The following UBE3C variants were observed in gnomAD, a reference collection of about 807,000 sequenced individuals.
UBE3C encodes the protein ubiquitin protein ligase E3C.
Under a neutral mutation model 129.4 loss-of-function variants are expected in UBE3C, and 42 were observed. The ratio of observed to expected loss-of-function variants is 0.32; its 90% CI spans 0.25 to 0.42. The LOEUF (loss-of-function observed/expected upper bound fraction) is 0.42, where lower values mean the gene tolerates loss of function less well. UBE3C is among the 10% of genes least tolerant of loss of function. The probability of loss-of-function intolerance (pLI) is 1.00; values close to 1 mark genes in which losing one functional copy is unlikely to be tolerated. For missense variants in UBE3C, 1,049 were observed against 1,319.1 expected, an observed-to-expected ratio of 0.80 and a Z score of 3.17; for synonymous variants, 510 against 492.4, an observed-to-expected ratio of 1.04 and a Z score of -0.47.
At chr7:157,185,232 C>T (rs963932389) in intron 9 of UBE3C, among the ~76,000 whole-genome samples, 7 of 152,212 alleles carry the variant, frequency 4.6e-5, no homozygotes, top group African/African-American at 1.2e-4. Flanking sequence ...TGTGCAAACA[C>T]GATGAAAGCA....
At chr7:157,249,552 A>T (rs1796569765) in intron 19 of UBE3C, among the ~76,000 whole-genome samples, 1 of 152,168 alleles carries the variant, frequency 6.6e-6, no homozygotes, top group South Asian at 2.1e-4. Context: ...ACCTCAGGTG[A>T]TCTGCCTGCC....
At chr7:157,170,137 T>A (rs1203735490) in intron 3 of UBE3C, among the ~76,000 whole-genome samples, 167 bp from the exon 4 acceptor site, 2 of 150,978 alleles carry the variant, frequency 1.3e-5, no homozygotes, top group African/African-American at 4.9e-5. Context: ...TTTTTTTTCT[T>A]TTTAACCATT....
intron 1 of UBE3C, among the ~76,000 whole-genome samples, chr7:157,143,024 C>A (rs1366310978): frequency 6.6e-6 from 1 of 151,986 alleles, no homozygotes; most frequent in South Asian, 2.1e-4. Flanking sequence ...TGCACCACCA[C>A]GTCTGGCTAA....
intron 22 of UBE3C, among the ~76,000 whole-genome samples, chr7:157,263,415 G>A (rs1195805879): frequency 1.3e-5 from 2 of 152,202 alleles, no homozygotes; most frequent in Admixed American, 6.5e-5. Flanking sequence ...GGTGGCTCAC[G>A]CACTTTGGGA....
chr7:157,227,425 G>T (rs1456358903), intron 17 of UBE3C, among the ~76,000 whole-genome samples: 2 of 152,076 alleles, frequency 1.3e-5, no homozygotes, highest in African/African-American at 2.4e-5. Context: ...TGGGCGTGGC[G>T]CAGTGGCTCA....
At chr7:157,174,161 G>A (rs754441244) in intron 4 of UBE3C, among the ~76,000 whole-genome samples, 5 of 152,108 alleles carry the variant, frequency 3.3e-5, no homozygotes, top group Non-Finnish European at 2.9e-5. Context: ...CCAGGAGTTC[G>A]AGACCAGCCT....
At chr7:157,248,854 G>A (rs1039897155) in intron 19 of UBE3C, among the ~76,000 whole-genome samples, 11 of 152,158 alleles carry the variant, frequency 7.2e-5, no homozygotes, top group Non-Finnish European at 1.6e-4. Context: ...CAGGCTTGCT[G>A]CTTGTCTGGC....
intron 13 of UBE3C, among the ~76,000 whole-genome samples, chr7:157,210,814 A>G (rs916603116): frequency 1.3e-5 from 2 of 152,180 alleles, no homozygotes; most frequent in Admixed American, 6.5e-5. Flanking sequence ...TTTCAGTCCT[A>G]TCATGGTCCT....
At chr7:157,164,340 A>G (rs1040503015) in intron 2 of UBE3C, 30 of 456,346 alleles carry the variant, frequency 6.6e-5, no homozygotes, top group Middle Eastern at 3.3e-4. Flanking sequence ...AGATTTTTAC[A>G]TAGATAGGGT....
At chr7:157,165,766 A>G (rs1380874327) in intron 2 of UBE3C, among the ~76,000 whole-genome samples, 1 of 152,058 alleles carries the variant, frequency 6.6e-6, no homozygotes, top group African/African-American at 2.4e-5. Flanking sequence ...ATTTTCTTTC[A>G]TTCTTTTATA....
intron 1 of UBE3C, among the ~76,000 whole-genome samples, chr7:157,154,176 C>T (rs972601177): frequency 4.6e-5 from 7 of 151,922 alleles, no homozygotes; most frequent in African/African-American, 1.7e-4. Flanking sequence ...CAAAAATTAG[C>T]CAGGTGTGGT....
intron 8 of UBE3C, among the ~76,000 whole-genome samples, chr7:157,183,420 C>A (rs1409897023): frequency 6.6e-6 from 1 of 152,086 alleles, no homozygotes; most frequent in African/African-American, 2.4e-5. Flanking sequence ...CCAGGCACTC[C>A]ACACTCTCGG....
At chr7:157,211,707 C>A (rs1248663896) in intron 13 of UBE3C, among the ~76,000 whole-genome samples, 1 of 152,074 alleles carries the variant, frequency 6.6e-6, no homozygotes, top group Admixed American at 6.6e-5. Flanking sequence ...CCAGATACTT[C>A]ATGACTTTCA....
intron 18 of UBE3C, among the ~76,000 whole-genome samples, chr7:157,247,881 T>C (rs920092540): frequency 6.6e-6 from 1 of 152,144 alleles, no homozygotes; most frequent in Non-Finnish European, 1.5e-5. Flanking sequence ...TACCCCATCC[T>C]GTGGGCACGG....
At chr7:157,172,027 CT>C (rs34998574) in intron 4 of UBE3C, among the ~76,000 whole-genome samples, 90 of 141,890 alleles carry the variant, frequency 6.3e-4, no homozygotes, top group Non-Finnish European at 7.1e-4. Flanking sequence ...TGCTATTTAT[CT>C]TTTTTTTTTT....
intron 18 of UBE3C, among the ~76,000 whole-genome samples, chr7:157,242,796 C>T (rs1308893845): frequency 6.6e-6 from 1 of 152,046 alleles, no homozygotes; most frequent in African/African-American, 2.4e-5. Context: ...GTGGCTCAAG[C>T]CTGTAATCCC....
Position 157,223,280 on chromosome 7 carries a change from G to T in UBE3C, c.2029G>T (p.Val677Leu). 1 of 1,614,172 alleles carries T rather than the reference G, an allele frequency of 6.2e-7. No homozygotes were observed. Among genetic ancestry groups the T allele is most frequent in the East Asian group, 2.2e-5 (1 of 44,882 alleles). ...DVGLESPPLSVSEERQLAVLT... is the reference protein window; with the variant it reads ...DVGLESPPLSLSEERQLAVLT... The stretch of plus-strand genomic sequence containing the variant: ...GGGTTTGGAGTCCCCGCCGCTGTCT[G>T]TGTCTGAGGAAAGACAGCTTGCTGT... Residue 677 changes from valine to leucine, a missense_variant, in exon 16 of 23, where the codon GTG (valine) becomes TTG (leucine). Physicochemically the swap from Val to Leu is conservative, Grantham distance 32. This residue lies in a region of UBE3C where 314 missense variants were observed against 416.9 expected (regional missense o/e 0.75). Transcript: ENST00000348165.
Position 157,139,342 on chromosome 7 carries a change from A to T in UBE3C, c.66+4A>T. On this transcript the variant is annotated splice_donor_region_variant and intron_variant, in intron 1 of 22. Coordinates refer to ENST00000348165, the MANE Select transcript of UBE3C (RefSeq NM_014671.3). ...CCTTGGCGGCGCGAGCAGGAAGGTG[A>T]GGGCCGGGCTGGCGGGGCGCCCTCG... 1 of 1,574,806 alleles carries T rather than the reference A, an allele frequency of 6.3e-7. No homozygotes were observed. The highest frequency in any genetic ancestry group is 8.6e-7 in the Non-Finnish European group (1 of 1,169,162).
At chr7:157,256,279 A>C (rs1436220346) in intron 21 of UBE3C, among the ~76,000 whole-genome samples, 1 of 152,070 alleles carries the variant, frequency 6.6e-6, no homozygotes, top group African/African-American at 2.4e-5. Context: ...AGAAGCTGAG[A>C]TTATGGGTGC....
Sources: gnomAD v4.1 joint callset for allele counts (sites outside exome capture counted in the v4.1 genomes callset) on GRCh38, gnomAD v4.1.1 for gene constraint, gnomAD v4.1.1 regional missense constraint, MANE v1.5 for transcripts, NCBI Gene and HGNC (gene_info 2026-07-23, HGNC 2026-07-21) for gene names.